Variants in TNRC6A observed in about 807,000 individuals in gnomAD.
TNRC6A encodes trinucleotide repeat containing adaptor 6A.
A neutral mutation model predicts 221.2 loss-of-function variants in TNRC6A; 44 were observed. The observed-to-expected ratio is 0.20, with a 90% CI of 0.16 to 0.26. TNRC6A has a LOEUF of 0.26. TNRC6A is among the 10% of genes least tolerant of loss of function. TNRC6A has a pLI of 1.00. For missense variants in TNRC6A, 2,199 were observed against 2,404.4 expected, an observed-to-expected ratio of 0.91 and a Z score of 1.79; for synonymous variants, 847 against 838.5, an observed-to-expected ratio of 1.01 and a Z score of -0.18.
At chr16:24,686,817 C>G (rs2055635825) in intron 2 of TNRC6A, among the ~76,000 whole-genome samples, 1 of 152,120 alleles carries the variant, frequency 6.6e-6, no homozygotes. Flanking sequence ...CGTTTGGATT[C>G]CCCTCCTAAA....
At chr16:24,733,947 A>G (rs1376557974) in intron 2 of TNRC6A, among the ~76,000 whole-genome samples, 1 of 152,196 alleles carries the variant, frequency 6.6e-6, no homozygotes, top group African/African-American at 2.4e-5. Flanking sequence ...AGGCCAAGGC[A>G]GGAGGATTGA....
intron 2 of TNRC6A, among the ~76,000 whole-genome samples, chr16:24,692,256 T>C (rs1027748018): frequency 6.6e-6 from 1 of 152,142 alleles, no homozygotes; most frequent in Non-Finnish European, 1.5e-5. Flanking sequence ...TTAGGGAACC[T>C]CTGGAGATTG....
At chr16:24,807,882 G>A (rs2058467556) in intron 17 of TNRC6A, among the ~76,000 whole-genome samples, 1 of 152,176 alleles carries the variant, frequency 6.6e-6, no homozygotes, top group Non-Finnish European at 1.5e-5. Flanking sequence ...CAGTTAACTA[G>A]TTGTTCTGGG....
chr16:24,818,572 T>C (rs768669510), intron 20 of TNRC6A, 21 bp from the exon 21 acceptor site: 50 of 1,602,132 alleles, frequency 3.1e-5, no homozygotes, highest in Non-Finnish European at 2.5e-5. Context: ...TGGTGGCTGA[T>C]TGGACTCTTC....
intron 2 of TNRC6A, among the ~76,000 whole-genome samples, chr16:24,741,588 C>A (rs2056894002): frequency 6.6e-6 from 1 of 152,136 alleles, no homozygotes; most frequent in East Asian, 1.9e-4. Context: ...CTTTTGATAC[C>A]TTGGTTCTCT....
intron 14 of TNRC6A, 84 bp downstream of exon 14, chr16:24,805,235 A>G (rs2058406809): frequency 5.2e-6 from 8 of 1,540,044 alleles, no homozygotes; most frequent in African/African-American, 2.7e-5. Flanking sequence ...TGGCTAACTA[A>G]GCATTATCAT....
At chr16:24,748,112 C>T (rs1048125264) in intron 2 of TNRC6A, among the ~76,000 whole-genome samples, 2 of 152,092 alleles carry the variant, frequency 1.3e-5, no homozygotes, top group African/African-American at 2.4e-5. Flanking sequence ...CAATTGAGTG[C>T]TTACTAGATA....
intron 2 of TNRC6A, among the ~76,000 whole-genome samples, chr16:24,735,788 GTATGCGTTA>G (rs1232172239): frequency 1.3e-5 from 2 of 152,134 alleles, no homozygotes; most frequent in Non-Finnish European, 2.9e-5. Context: ...GACTAAAATG[GTATGCGTTA>G]TATGTATTCT....
At chr16:24,637,312 C>T (rs898111903) in intron 1 of TNRC6A, among the ~76,000 whole-genome samples, 7 of 152,256 alleles carry the variant, frequency 4.6e-5, no homozygotes, top group Non-Finnish European at 7.4e-5. Flanking sequence ...GGATTACAAG[C>T]GTGAGCCATC....
At chr16:24,745,976 C>G (rs977968455) in intron 2 of TNRC6A, among the ~76,000 whole-genome samples, 1 of 152,154 alleles carries the variant, frequency 6.6e-6, no homozygotes, top group Non-Finnish European at 1.5e-5. Context: ...CATTTTCCCT[C>G]CCTTTTTCAA....
intron 2 of TNRC6A, among the ~76,000 whole-genome samples, chr16:24,667,623 C>T (rs890860692): frequency 1.3e-5 from 2 of 152,176 alleles, no homozygotes; most frequent in African/African-American, 4.8e-5. Context: ...TCAGTTTTCT[C>T]ATCTGTAGAA....
intron 1 of TNRC6A, among the ~76,000 whole-genome samples, chr16:24,639,412 G>C (rs753948532): frequency 2.6e-5 from 4 of 152,120 alleles, no homozygotes; most frequent in South Asian, 2.1e-4. Flanking sequence ...AGGATCTCTT[G>C]AACCCAGGAG....
chr16:24,704,040 C>T (rs902183593), intron 2 of TNRC6A, among the ~76,000 whole-genome samples: 1 of 149,742 alleles, frequency 6.7e-6, no homozygotes, highest in Non-Finnish European at 1.5e-5. Context: ...AATGTGTTCA[C>T]ACCACTGCAC....
intron 4 of TNRC6A, among the ~76,000 whole-genome samples, chr16:24,762,983 A>G (rs768982500): frequency 2.7e-4 from 41 of 150,460 alleles, no homozygotes; most frequent in South Asian, 2.3e-3. Flanking sequence ...AAGCGTGTAG[A>G]TTTTTTTTTT....
chr16:24,720,670 G>A (rs1254917442), intron 2 of TNRC6A, among the ~76,000 whole-genome samples: 2 of 126,082 alleles, frequency 1.6e-5, no homozygotes, highest in African/African-American at 3.2e-5. Flanking sequence ...CAGCCTGGGC[G>A]AGAAGAGCAA....
intron 4 of TNRC6A, among the ~76,000 whole-genome samples, chr16:24,762,768 C>T (rs2057390556): frequency 6.6e-6 from 1 of 152,182 alleles, no homozygotes; most frequent in African/African-American, 2.4e-5. Flanking sequence ...AATGCCTGAG[C>T]CAGAATTTGA....
chr16:24,815,463 A>C (rs2058637181), intron 19 of TNRC6A, 158 bp downstream of exon 19: 1 of 845,636 alleles, frequency 1.2e-6, no homozygotes, highest in Non-Finnish European at 1.9e-6. Flanking sequence ...GTTAAGCATG[A>C]AGTCTTGGGC....
intron 1 of TNRC6A, among the ~76,000 whole-genome samples, chr16:24,634,407 G>A (rs1452739990): frequency 6.6e-6 from 1 of 152,060 alleles, no homozygotes; most frequent in African/African-American, 2.4e-5. Flanking sequence ...TCCAGCCTGG[G>A]CGACAGAGAG....
chr16:24,747,937 G>C (rs111604204), intron 2 of TNRC6A, among the ~76,000 whole-genome samples: 1 of 152,162 alleles, frequency 6.6e-6, no homozygotes, highest in Admixed American at 6.5e-5. Context: ...TAGTGACATA[G>C]AAGATCAGAA....
Sources: allele counts gnomAD v4.1 joint callset (sites outside exome capture counted in the v4.1 genomes callset), GRCh38; gene constraint gnomAD v4.1.1; transcripts MANE v1.5; gene names NCBI Gene and HGNC (gene_info 2026-07-23, HGNC 2026-07-21).